GFRAL: variants seen among roughly 807,000 people sequenced by gnomAD.
GFRAL encodes the protein GDNF family receptor alpha like, also known as GDNF family receptor alpha-like.
Under a neutral mutation model 45.4 loss-of-function variants are expected in GFRAL, and 36 were observed. The observed-to-expected ratio is 0.79, with a 90% CI of 0.61 to 1.05. The LOEUF (loss-of-function observed/expected upper bound fraction) is 1.05, where lower values mean the gene tolerates loss of function less well. Among genes scored for constraint, GFRAL ranks in the 50% least tolerant of loss-of-function variants. GFRAL has a pLI of 0.00. For missense variants in GFRAL, 507 were observed against 467.5 expected, an observed-to-expected ratio of 1.08 and a Z score of -0.78; for synonymous variants, 166 against 154.1, an observed-to-expected ratio of 1.08 and a Z score of -0.57.
At chr6:55,351,855 T>C (rs1193181509) in intron 5 of GFRAL, among the ~76,000 whole-genome samples, 1 of 152,154 alleles carries the variant, frequency 6.6e-6, no homozygotes, top group Non-Finnish European at 1.5e-5. Flanking sequence ...GTATTCAAGT[T>C]AGACTAATGA....
chr6:55,375,953 C>A (rs1768529009), intron 6 of GFRAL, among the ~76,000 whole-genome samples: 1 of 152,106 alleles, frequency 6.6e-6, no homozygotes, highest in African/African-American at 2.4e-5. Flanking sequence ...AAGGGGAATG[C>A]CTCCAGCTTT....
chr6:55,334,005 T>A, intron 3 of GFRAL, 61 bp downstream of exon 3: 1 of 956,372 alleles, frequency 1.0e-6, no homozygotes. Flanking sequence ...ATTTCAAAAT[T>A]AACCACATCT....
chr6:55,397,999 A>G (rs967191763), intron 6 of GFRAL, among the ~76,000 whole-genome samples: 3 of 152,210 alleles, frequency 2.0e-5, no homozygotes, highest in Non-Finnish European at 4.4e-5. Flanking sequence ...CATGTTTGTA[A>G]CCTAAAAACA....
At position 55,343,099 on chromosome 6, in the gene GFRAL, T is replaced by A. The variant is rs149255781; in HGVS notation, c.317-6993T>A. The stretch of plus-strand genomic sequence containing the variant: ...AATGGGAGATTTTAACACCCCACTG[T>A]CAACATTAGACAGATCAATGAGACA... On this transcript the variant is annotated intron_variant, in intron 3 of 8. Coordinates refer to ENST00000340465, the MANE Select transcript of GFRAL (RefSeq NM_207410.2). Among the ~76,000 whole-genome samples the A allele has an allele frequency of 8.9e-3, 1,349 of 152,196 alleles. 9 individuals are homozygous for A. Among genetic ancestry groups the A allele is most frequent in the Admixed American group, 0.014 (208 of 15,286 alleles).
intron 3 of GFRAL, among the ~76,000 whole-genome samples, chr6:55,345,565 A>T (rs539043632): frequency 0.013 from 1,952 of 152,286 alleles, 22 homozygotes; most frequent in Non-Finnish European, 0.022. Context: ...AAAGACTTAC[A>T]TGTTAGACCT....
chr6:55,353,367 C>G (rs1305309479), intron 5 of GFRAL, among the ~76,000 whole-genome samples: 2 of 152,014 alleles, frequency 1.3e-5, no homozygotes, highest in African/African-American at 4.8e-5. Context: ...CAAAGTAGTT[C>G]CAGATCTTGT....
intron 3 of GFRAL, among the ~76,000 whole-genome samples, chr6:55,342,021 A>G (rs1044856997): frequency 6.6e-6 from 1 of 152,240 alleles, no homozygotes; most frequent in Non-Finnish European, 1.5e-5. Flanking sequence ...ATATGGGACT[A>G]TATGAAAAGA....
chr6:55,397,812 A>AT (rs1768846944), intron 6 of GFRAL, among the ~76,000 whole-genome samples: 1 of 152,210 alleles, frequency 6.6e-6, no homozygotes, highest in Non-Finnish European at 1.5e-5. Context: ...AAAGTCATGT[A>AT]CCTCGTAAGG....
intron 6 of GFRAL, among the ~76,000 whole-genome samples, chr6:55,392,512 A>C (rs140555462): frequency 5.3e-5 from 8 of 152,336 alleles, no homozygotes; most frequent in African/African-American, 1.7e-4. Context: ...GCAGATTCTA[A>C]ATTCTCCATA....
intron 3 of GFRAL, among the ~76,000 whole-genome samples, chr6:55,342,019 C>A (rs1204672410): frequency 6.6e-6 from 1 of 152,064 alleles, no homozygotes; most frequent in Non-Finnish European, 1.5e-5. Context: ...AAATATGGGA[C>A]TATATGAAAA....
intron 6 of GFRAL, among the ~76,000 whole-genome samples, chr6:55,378,267 TG>T (rs1450348067): frequency 6.6e-6 from 1 of 152,014 alleles, no homozygotes; most frequent in African/African-American, 2.4e-5. Context: ...ATTTTGATGG[TG>T]GGGAAGGAAG....
At position 55,350,138 on chromosome 6, in the gene GFRAL, C is replaced by T; in HGVS notation, c.363C>T (p.Ser121=). Residue 121 remains serine (S), a synonymous_variant, in exon 4 of 9, where the codon TCC becomes TCT. Transcript: ENST00000340465. ...DKFKWNLTTR[S]HHGFKGMWSC... ...TCAAATGGAATCTAACTACACGTTC[C>T]CATCATGGTAATGTTTTTAAGTTAT... 6.5e-7 allele frequency: 1 copy of T among 1,529,128 alleles called. No homozygotes were observed. Among genetic ancestry groups the T allele is most frequent in the Non-Finnish European group, 9.1e-7 (1 of 1,104,142 alleles). The allele number at this position is 1,529,128 out of a possible 1,614,324, so 94.7% of individuals were successfully genotyped here. A position where few individuals can be genotyped will look rare whatever the true frequency, so the allele number is the denominator to read the frequency against.
chr6:55,388,722 T>C (rs1768711109), intron 6 of GFRAL, among the ~76,000 whole-genome samples: 1 of 152,222 alleles, frequency 6.6e-6, no homozygotes. Flanking sequence ...CTTTTGTTAT[T>C]TTAATACTGC....
chr6:55,362,752 T>C (rs1437413389), intron 6 of GFRAL, among the ~76,000 whole-genome samples: 1 of 151,988 alleles, frequency 6.6e-6, no homozygotes, highest in African/African-American at 2.4e-5. Context: ...CTTTTTTTTA[T>C]TTAAATACCA....
chr6:55,334,531 C>T (rs931184251), intron 3 of GFRAL, among the ~76,000 whole-genome samples: 1 of 152,174 alleles, frequency 6.6e-6, no homozygotes, highest in African/African-American at 2.4e-5. Context: ...GTTCTAAAGT[C>T]AACAGTTTCC....
intron 5 of GFRAL, among the ~76,000 whole-genome samples, chr6:55,352,106 G>T (rs1389885580): frequency 6.6e-6 from 1 of 151,978 alleles, no homozygotes; most frequent in Non-Finnish European, 1.5e-5. Flanking sequence ...ACAATGTCAG[G>T]CTTTAATACT....
intron 8 of GFRAL, 80 bp downstream of exon 8, chr6:55,399,521 C>A: frequency 1.1e-6 from 1 of 913,764 alleles, no homozygotes; most frequent in Non-Finnish European, 1.8e-6. Flanking sequence ...AATGGCTGAG[C>A]TTACAAAGAG....
chr6:55,327,688 T>C (rs1176935942), intron 1 of GFRAL, 112 bp downstream of exon 1: 2 of 967,348 alleles, frequency 2.1e-6, no homozygotes, highest in African/African-American at 3.3e-5. Flanking sequence ...AAGTACCAAG[T>C]AAATTACAAA....
chr6:55,357,615 C>T (rs188587883), intron 5 of GFRAL, among the ~76,000 whole-genome samples: 54 of 151,280 alleles, frequency 3.6e-4, no homozygotes, highest in African/African-American at 9.4e-4. Context: ...ATTTTTAATC[C>T]GTTTAATCCA....
Sources: allele counts gnomAD v4.1 joint callset (sites outside exome capture counted in the v4.1 genomes callset), GRCh38; gene constraint gnomAD v4.1.1; transcripts MANE v1.5; gene names NCBI Gene and HGNC (gene_info 2026-07-23, HGNC 2026-07-21).